MACROD2: variants seen among roughly 807,000 people sequenced by gnomAD.
MACROD2 encodes ADP-ribose glycohydrolase MACROD2.
Under a neutral mutation model 70.4 loss-of-function variants are expected in MACROD2, and 36 were observed. The observed-to-expected ratio is 0.51, with a 90% CI of 0.39 to 0.68. The LOEUF (loss-of-function observed/expected upper bound fraction) is 0.68, where lower values mean the gene tolerates loss of function less well. Ranked by LOEUF, MACROD2 falls within the 30% of genes least tolerant of loss-of-function variation. The probability of loss-of-function intolerance (pLI) is 0.00; values close to 1 mark genes in which losing one functional copy is unlikely to be tolerated. For synonymous variants in MACROD2, 172 were observed against 178.8 expected, an observed-to-expected ratio of 0.96 and a Z score of 0.30; for missense variants, 496 against 538.4, an observed-to-expected ratio of 0.92 and a Z score of 0.78.
At chr20:14,571,791 G>A (rs1980210757) in intron 4 of MACROD2, among the ~76,000 whole-genome samples, 1 of 152,050 alleles carries the variant, frequency 6.6e-6, no homozygotes, top group African/African-American at 2.4e-5. Flanking sequence ...GTCCTTGCAA[G>A]TTGGAGTCAC....
chr20:15,770,502 T>A (rs769688090), intron 8 of MACROD2, among the ~76,000 whole-genome samples: 6 of 152,084 alleles, frequency 3.9e-5, no homozygotes, highest in Non-Finnish European at 8.8e-5. Context: ...ACAGCTTTTC[T>A]ATTTCACCCT....
At chr20:16,012,548 G>A (rs775108) in intron 15 of MACROD2, among the ~76,000 whole-genome samples, 98,791 of 152,090 alleles carry the variant, frequency 0.65, 32,506 homozygotes, top group East Asian at 0.87. Flanking sequence ...TCAGGATGAC[G>A]TTGGCCTTTC....
chr20:15,211,972 A>G (rs1568640595), intron 5 of MACROD2, among the ~76,000 whole-genome samples: 1 of 152,212 alleles, frequency 6.6e-6, no homozygotes, highest in African/African-American at 2.4e-5. Context: ...TTCCATTCCT[A>G]TCACTGATGT....
At chr20:14,045,465 G>A (rs1000327623) in intron 2 of MACROD2, among the ~76,000 whole-genome samples, 3 of 152,204 alleles carry the variant, frequency 2.0e-5, no homozygotes, top group Non-Finnish European at 2.9e-5. Flanking sequence ...TATACTACCT[G>A]CATAGTTTAG....
intron 2 of MACROD2, among the ~76,000 whole-genome samples, chr20:14,070,090 C>G (rs2148660448): frequency 6.6e-6 from 1 of 152,014 alleles, no homozygotes; most frequent in Non-Finnish European, 1.5e-5. Flanking sequence ...AGCTAATGAG[C>G]AATATAAAGG....
chr20:15,997,732 T>C (rs2066651853), intron 15 of MACROD2, among the ~76,000 whole-genome samples: 1 of 152,184 alleles, frequency 6.6e-6, no homozygotes, highest in South Asian at 2.1e-4. Flanking sequence ...CTATGTTGCA[T>C]AGAAGTGGTG....
chr20:14,759,776 G>C (rs915803702), intron 5 of MACROD2, among the ~76,000 whole-genome samples: 29 of 151,934 alleles, frequency 1.9e-4, no homozygotes, highest in African/African-American at 6.5e-4. Context: ...AGAAATTCTG[G>C]GTATCTTTAA....
At chr20:14,567,227 G>C (rs1270872963) in intron 4 of MACROD2, among the ~76,000 whole-genome samples, 1 of 151,834 alleles carries the variant, frequency 6.6e-6, no homozygotes, top group Non-Finnish European at 1.5e-5. Context: ...TTATTTGTTG[G>C]AATAACTGAA....
chr20:14,909,636 A>G (rs1281380719), intron 5 of MACROD2, among the ~76,000 whole-genome samples: 1 of 152,024 alleles, frequency 6.6e-6, no homozygotes, highest in Non-Finnish European at 1.5e-5. Flanking sequence ...TGGGGCTGGA[A>G]ACTCTGACCT....
intron 5 of MACROD2, among the ~76,000 whole-genome samples, chr20:15,124,103 CAGTTT>C (rs1012426267): frequency 7.9e-5 from 12 of 151,960 alleles, no homozygotes; most frequent in African/African-American, 2.9e-4. Flanking sequence ...CTTCTTATTT[CAGTTT>C]TGGGGTACTT....
intron 5 of MACROD2, among the ~76,000 whole-genome samples, chr20:14,685,767 C>A (rs1038935754): frequency 2.6e-5 from 4 of 152,100 alleles, no homozygotes; most frequent in Non-Finnish European, 5.9e-5. Flanking sequence ...TCGTCCACTT[C>A]TTATGATACT....
intron 3 of MACROD2, among the ~76,000 whole-genome samples, chr20:14,132,341 C>A (rs1239332517): frequency 6.6e-6 from 1 of 151,894 alleles, no homozygotes; most frequent in Non-Finnish European, 1.5e-5. Context: ...AGCCACCATG[C>A]CAGACCCTTT....
chr20:14,636,309 C>G (rs147051499), intron 4 of MACROD2: 2 of 152,056 alleles, frequency 1.3e-5, no homozygotes, highest in East Asian at 1.9e-4. Context: ...CAAATTCTAT[C>G]GAGAAAAATG....
At chr20:15,382,698 GGATCTGAA>G (rs2045660192) in intron 6 of MACROD2, among the ~76,000 whole-genome samples, 1 of 151,862 alleles carries the variant, frequency 6.6e-6, no homozygotes, top group African/African-American at 2.4e-5. Flanking sequence ...AGAAATGGGT[GGATCTGAA>G]GAAAGAACCA....
chr20:14,501,654 AAAAT>A (rs1307814354), intron 4 of MACROD2, among the ~76,000 whole-genome samples: 1 of 152,124 alleles, frequency 6.6e-6, no homozygotes, highest in East Asian at 1.9e-4. Flanking sequence ...TCTTTTTAAA[AAAAT>A]AGAGGTTTAG....
chr20:15,069,546 C>T (rs894544394), intron 5 of MACROD2, among the ~76,000 whole-genome samples: 3 of 152,216 alleles, frequency 2.0e-5, no homozygotes, highest in Non-Finnish European at 4.4e-5. Context: ...GATTAGGGGG[C>T]CAGGCCCAAG....
At chr20:14,530,498 T>C (rs1030847018) in intron 4 of MACROD2, among the ~76,000 whole-genome samples, 1 of 152,218 alleles carries the variant, frequency 6.6e-6, no homozygotes, top group African/African-American at 2.4e-5. Context: ...GCCAGTTGTT[T>C]CCCTGCACAC....
At chr20:15,162,837 T>A (rs2076357929) in intron 5 of MACROD2, among the ~76,000 whole-genome samples, 1 of 151,996 alleles carries the variant, frequency 6.6e-6, no homozygotes, top group Non-Finnish European at 1.5e-5. Flanking sequence ...AGAAACACAA[T>A]AATTGAAATA....
At chr20:14,829,923 A>G (rs1044144945) in intron 5 of MACROD2, among the ~76,000 whole-genome samples, 5 of 152,158 alleles carry the variant, frequency 3.3e-5, no homozygotes, top group African/African-American at 9.7e-5. Context: ...TTCAATGCAT[A>G]CATTGATAAT....
Sources: gnomAD v4.1 joint callset for allele counts (sites outside exome capture counted in the v4.1 genomes callset) on GRCh38, gnomAD v4.1.1 for gene constraint, MANE v1.5 for transcripts, NCBI Gene and HGNC (gene_info 2026-07-23, HGNC 2026-07-21) for gene names.